TRIM9: variants seen among roughly 807,000 people sequenced by gnomAD.
TRIM9 encodes the protein E3 ubiquitin-protein ligase TRIM9.
In TRIM9, 26 loss-of-function variants were observed where a neutral mutation model predicts 78.3. The ratio of observed to expected loss-of-function variants is 0.33; its 90% CI spans 0.24 to 0.46. TRIM9 has a LOEUF of 0.46. Among genes scored for constraint, TRIM9 ranks in the 20% least tolerant of loss-of-function variants. The pLI, the probability that TRIM9 is intolerant of heterozygous loss-of-function variation, is 1.00. For missense variants in TRIM9, 787 were observed against 1,036.4 expected, an observed-to-expected ratio of 0.76 and a Z score of 3.30; for synonymous variants, 398 against 416.5, an observed-to-expected ratio of 0.96 and a Z score of 0.54.
Position 50,981,900 on chromosome 14 carries a change from C to G in TRIM9, c.2062G>C (p.Val688Leu). The change falls in exon 11 of 13, where the codon GTG (valine) becomes CTG (leucine). Residue 688 changes from valine to leucine, a missense_variant. Physicochemically the swap from Val to Leu is conservative, Grantham distance 32 (BLOSUM62 1). Coordinates refer to ENST00000684578, the MANE Select transcript of TRIM9 (RefSeq NM_001387360.1). ...TTTCCTAACATCACATCCTTCATCACGTCCATGCGAGCCACACCAAAGGCA... is the reference window on the plus strand; with the variant it reads ...TTTCCTAACATCACATCCTTCATCAGGTCCATGCGAGCCACACCAAAGGCA... Reference protein sequence around the residue: ...DPAFGVARMDVMKDVMLGKDD... With the variant: ...DPAFGVARMDLMKDVMLGKDD... The G allele has an allele frequency of 6.2e-7, 1 of 1,614,172 alleles. No homozygotes were observed. The highest frequency in any genetic ancestry group is 8.5e-7 in the Non-Finnish European group (1 of 1,180,032).
chr14:51,042,956 C>T (rs2059681223), intron 1 of TRIM9, among the ~76,000 whole-genome samples: 1 of 152,126 alleles, frequency 6.6e-6, no homozygotes, highest in Non-Finnish European at 1.5e-5. Context: ...ATACATGTCT[C>T]TATATATCTA....
chr14:50,996,371 T>C (rs935046682), intron 7 of TRIM9: 1 of 985,382 alleles, frequency 1.0e-6, no homozygotes, highest in Non-Finnish European at 1.2e-6. Flanking sequence ...CTTATGAACA[T>C]TAAAATAAAC....
intron 5 of TRIM9, among the ~76,000 whole-genome samples, chr14:51,007,436 T>C (rs1311175954): frequency 1.3e-5 from 2 of 152,204 alleles, no homozygotes; most frequent in East Asian, 3.8e-4. Context: ...TATTAAGAGA[T>C]GAATTCACTT....
chr14:51,071,034 CG>C (rs1353827131), intron 1 of TRIM9, among the ~76,000 whole-genome samples: 3 of 151,856 alleles, frequency 2.0e-5, no homozygotes, highest in Non-Finnish European at 4.4e-5. Context: ...ATTTACATTT[CG>C]GGGTTTTGGT....
chr14:51,014,651 TTC>T (rs1299798775), intron 3 of TRIM9, among the ~76,000 whole-genome samples: 2 of 152,204 alleles, frequency 1.3e-5, no homozygotes, highest in Non-Finnish European at 2.9e-5. Context: ...TATAAATACT[TTC>T]TCTCTAGTTG....
intron 1 of TRIM9, among the ~76,000 whole-genome samples, chr14:51,032,666 C>T (rs2058833540): frequency 6.6e-6 from 1 of 152,214 alleles, no homozygotes; most frequent in African/African-American, 2.4e-5. Flanking sequence ...CTAACTATCT[C>T]TCAGAGTCTG....
rs1359008567 is a variant in TRIM9 at position 50,982,107 on chromosome 14, G to A, written c.1859-4C>T. On this transcript the variant is annotated splice_polypyrimidine_tract_variant and splice_region_variant and intron_variant, in intron 10 of 12. Transcript: ENST00000684578. ...GGGTCGAAAGCAAACCAGGCCACTG[G>A]GAACAACAGAAGGGAATCAGGTTAT... 6.2e-7 allele frequency: 1 copy of A among 1,613,502 alleles called. No individual in the cohort carries two copies. Among genetic ancestry groups the A allele is most frequent in the Non-Finnish European group, 8.5e-7 (1 of 1,179,482 alleles).
rs1251229471 is a variant in TRIM9 at position 50,981,980 on chromosome 14, T to C, written c.1982A>G (p.Lys661Arg). The C allele has an allele frequency of 6.2e-7, 1 of 1,614,192 alleles. No homozygotes were observed. Among genetic ancestry groups the C allele is most frequent in the Non-Finnish European group, 8.5e-7 (1 of 1,180,030 alleles). ...RVVLGKTGFSKGIHYWELTVD... is the reference protein window; with the variant it reads ...RVVLGKTGFSRGIHYWELTVD... ...CGTGAGCTCCCAGTAGTGGATGCCCTTGGAGAAGCCAGTCTTCCCTAGCAC... is the reference window on the plus strand; with the variant it reads ...CGTGAGCTCCCAGTAGTGGATGCCCCTGGAGAAGCCAGTCTTCCCTAGCAC... Residue 661 changes from lysine (K) to arginine (R), a missense_variant, in exon 11 of 13, where the codon AAG becomes AGG. Physicochemically the swap from Lys to Arg is conservative, Grantham distance 26. Around this residue, in one of 3 missense-constraint regions of TRIM9, gnomAD observed 421 missense variants for 514.3 expected, o/e 0.82. Transcript: ENST00000684578.
intron 1 of TRIM9, among the ~76,000 whole-genome samples, chr14:51,075,520 A>G (rs1418235673): frequency 1.3e-5 from 2 of 152,174 alleles, no homozygotes. Flanking sequence ...AATCTAGTTT[A>G]CACAAAGTTT....
chr14:51,014,148 T>C lies in TRIM9; in HGVS notation c.1042-3654A>G, dbSNP rs151179441. Among the ~76,000 whole-genome samples the C allele has an allele frequency of 7.5e-3, 1,147 of 152,336 alleles. 6 individuals carry two copies. The highest frequency in any genetic ancestry group is 0.013 in the Non-Finnish European group (881 of 68,016). ...CTTTCCAGAGGATTCAGTTCAATGA[T>C]GCATTCATGTACTGAAATAAATACA... On this transcript the variant is annotated intron_variant, in intron 3 of 12. Coordinates refer to ENST00000684578, the MANE Select transcript of TRIM9 (RefSeq NM_001387360.1).
At chr14:51,076,521 A>G (rs2062796040) in intron 1 of TRIM9, among the ~76,000 whole-genome samples, 1 of 152,178 alleles carries the variant, frequency 6.6e-6, no homozygotes, top group East Asian at 1.9e-4. Context: ...TAGATACACA[A>G]TCATAGTAAA....
chr14:51,014,677 TCTTA>T (rs2056958810), intron 3 of TRIM9, among the ~76,000 whole-genome samples: 3 of 152,336 alleles, frequency 2.0e-5, no homozygotes, highest in South Asian at 4.1e-4. Context: ...TTATCAACTC[TCTTA>T]CTTGCTATCT....
At chr14:51,016,888 A>T (rs1300535389) in intron 3 of TRIM9, among the ~76,000 whole-genome samples, 2 of 152,226 alleles carry the variant, frequency 1.3e-5, no homozygotes, top group African/African-American at 4.8e-5. Context: ...TGCAAAACCC[A>T]TGGATATGGA....
intron 3 of TRIM9, among the ~76,000 whole-genome samples, chr14:51,020,951 A>T (rs1194774167): frequency 6.6e-6 from 1 of 152,248 alleles, no homozygotes; most frequent in Non-Finnish European, 1.5e-5. Flanking sequence ...GTTTCAAAAG[A>T]GATATTTCCA....
intron 3 of TRIM9, among the ~76,000 whole-genome samples, chr14:51,014,422 G>T (rs983447001): frequency 6.6e-6 from 1 of 152,086 alleles, no homozygotes; most frequent in Non-Finnish European, 1.5e-5. Flanking sequence ...CCTCACTCTC[G>T]CTACAGTTGA....
At chr14:51,045,519 A>C (rs903743416) in intron 1 of TRIM9, among the ~76,000 whole-genome samples, 9 of 152,226 alleles carry the variant, frequency 5.9e-5, no homozygotes, top group Non-Finnish European at 1.2e-4. Flanking sequence ...TTAAGACCTC[A>C]CTGGTGTGGG....
At chr14:51,039,304 G>A (rs1393688468) in intron 1 of TRIM9, among the ~76,000 whole-genome samples, 1 of 152,168 alleles carries the variant, frequency 6.6e-6, no homozygotes, top group Non-Finnish European at 1.5e-5. Context: ...CCAACTCTAT[G>A]TGATAGCATA....
In TRIM9 at chr14:50,976,307, A is replaced by C. The variant is rs1300837251; in HGVS notation, c.*984T>G. 1 of 152,434 alleles carries C rather than the reference A, an allele frequency of 6.6e-6. No homozygotes were observed. Among genetic ancestry groups the C allele is most frequent in the Non-Finnish European group, 1.5e-5 (1 of 68,026 alleles). The allele number at this position is 152,434 out of a possible 1,614,324, so 9.4% of individuals were successfully genotyped here. On this transcript the variant is annotated 3_prime_UTR_variant, in exon 13 of 13. Transcript: ENST00000684578. Reference sequence around the variant, plus strand: ...TGGCCAGAATGTGTGGATTTTTAGCATCATTCTAGGAAGCCTGAAAGATCT... The same window carrying C: ...TGGCCAGAATGTGTGGATTTTTAGCCTCATTCTAGGAAGCCTGAAAGATCT...
intron 1 of TRIM9, among the ~76,000 whole-genome samples, chr14:51,087,220 G>A (rs543829689): frequency 6.0e-4 from 91 of 152,168 alleles, no homozygotes; most frequent in African/African-American, 2.0e-3. Context: ...TGGACAGGAA[G>A]GGAGGGGCTC....
Sources: gnomAD v4.1 joint callset for allele counts (sites outside exome capture counted in the v4.1 genomes callset) on GRCh38, gnomAD v4.1.1 for gene constraint, gnomAD v4.1.1 regional missense constraint, MANE v1.5 for transcripts, NCBI Gene and HGNC (gene_info 2026-07-23, HGNC 2026-07-21) for gene names.